The following PPFIBP1 variants were observed in gnomAD, a reference collection of about 807,000 sequenced individuals.
PPFIBP1 encodes liprin-beta-1.
In PPFIBP1, 112 loss-of-function variants were observed where a neutral mutation model predicts 137.8. The observed-to-expected ratio is 0.81, with a 90% CI of 0.70 to 0.95. The LOEUF (loss-of-function observed/expected upper bound fraction) is 0.95. Ranked by LOEUF, PPFIBP1 falls within the 40% of genes least tolerant of loss-of-function variation. The probability of loss-of-function intolerance (pLI) is 0.00; values close to 1 mark genes in which losing one functional copy is unlikely to be tolerated. For synonymous variants in PPFIBP1, 378 were observed against 417.3 expected (o/e 0.91, Z 1.15); for missense variants, 1,083 against 1,196.6 (o/e 0.91, Z 1.40).
chr12:27,592,644 C>T lies in PPFIBP1; in HGVS notation c.-36+14405C>T. On this transcript the variant is annotated intron_variant, in intron 2 of 29. Coordinates refer to ENST00000228425, the MANE Select transcript of PPFIBP1 (RefSeq NM_003622.4). ...AGGCCCACCCAAAGTTCAGGCAGCA[C>T]TGGGCCTGTGTGTGGGAAGGAGTGT... 1.9e-6 allele frequency: 3 copies of T among 1,594,978 alleles called. No homozygotes were observed. The South Asian group carries it at 3.3e-5, about 18-fold the overall frequency.
At chr12:27,661,485 C>A (rs983533383) in intron 11 of PPFIBP1, among the ~76,000 whole-genome samples, 1 of 152,178 alleles carries the variant, frequency 6.6e-6, no homozygotes, top group Non-Finnish European at 1.5e-5. Flanking sequence ...TCCTCCCCCC[C>A]CAGTTGGTTC....
chr12:27,659,950 A>G (rs2059440536), intron 10 of PPFIBP1, among the ~76,000 whole-genome samples: 2 of 152,322 alleles, frequency 1.3e-5, no homozygotes, highest in Admixed American at 6.5e-5. Context: ...CTCTAAAAAA[A>G]AGTATTATCT....
At chr12:27,541,071 T>C (rs982416817) in intron 1 of PPFIBP1, among the ~76,000 whole-genome samples, 3 of 152,202 alleles carry the variant, frequency 2.0e-5, no homozygotes, top group Non-Finnish European at 2.9e-5. Context: ...TCTCCAACTT[T>C]CCTCTGTCTA....
intron 1 of PPFIBP1, among the ~76,000 whole-genome samples, chr12:27,569,961 C>T (rs2050001383): frequency 6.6e-6 from 1 of 152,052 alleles, no homozygotes; most frequent in Non-Finnish European, 1.5e-5. Flanking sequence ...CTTTGACTTC[C>T]CCAAATTAAT....
chr12:27,525,018 A>G (rs1943567211), intron 1 of PPFIBP1, among the ~76,000 whole-genome samples: 1 of 151,794 alleles, frequency 6.6e-6, no homozygotes, highest in African/African-American at 2.4e-5. Flanking sequence ...TTATATCTGG[A>G]GAGGTTAGGA....
intron 2 of PPFIBP1, among the ~76,000 whole-genome samples, chr12:27,616,064 T>C (rs1484700364): frequency 6.6e-6 from 1 of 152,158 alleles, no homozygotes; most frequent in Non-Finnish European, 1.5e-5. Context: ...TTAATAAATA[T>C]TAGTTGTTAT....
chr12:27,577,108 G>T (rs1332844065), intron 1 of PPFIBP1, among the ~76,000 whole-genome samples: 1 of 152,112 alleles, frequency 6.6e-6, no homozygotes, highest in African/African-American at 2.4e-5. Flanking sequence ...ATTTGATGGG[G>T]TGTTGAGAAA....
intron 1 of PPFIBP1, among the ~76,000 whole-genome samples, chr12:27,527,390 G>A (rs1258137699): frequency 1.3e-5 from 2 of 151,832 alleles, no homozygotes; most frequent in Non-Finnish European, 2.9e-5. Flanking sequence ...CTACAGTCAT[G>A]CACCAACATG....
intron 27 of PPFIBP1, 52 bp from the exon 28 acceptor site, chr12:27,691,697 A>G: frequency 1.3e-6 from 2 of 1,488,052 alleles, no homozygotes; most frequent in Non-Finnish European, 1.8e-6. Flanking sequence ...GGCCTTGATT[A>G]TATGAATTTT....
Position 27,682,469 on chromosome 12 carries a change from A to G in PPFIBP1, c.2129A>G (p.His710Arg), listed in dbSNP as rs774612017. The G allele has an allele frequency of 9.3e-6, 15 of 1,614,016 alleles. No individual in the cohort carries two copies. The highest frequency in any genetic ancestry group is 1.3e-5 in the African/African-American group (1 of 75,066). Residue 710 changes from histidine to arginine, a missense_variant, in exon 23 of 30, where the codon CAT (histidine) becomes CGT (arginine). His to Arg is a conservative substitution (Grantham distance 29). Coordinates refer to ENST00000228425, the MANE Select transcript of PPFIBP1 (RefSeq NM_003622.4). ...QALGSEEETN[H>R]GKLDFNWVTR... ...CTGGGATCTGAAGAAGAAACCAATC[A>G]TGGGAAGCTGGATTTCAACTGGGTC...
rs2140291800 is a variant in PPFIBP1, at chr12:27,677,058, C to A, written c.1583-6C>A. On this transcript the variant is annotated splice_polypyrimidine_tract_variant and splice_region_variant and intron_variant, in intron 18 of 29. Transcript: ENST00000228425. ...GTGATTGTGTGCGTTGTTGGGATAT[C>A]TGAAGATCGTAAACGAAGTGCCAGT... is the stretch of plus-strand genomic sequence containing the variant. 3 of 1,614,196 alleles carry A rather than the reference C, an allele frequency of 1.9e-6. No homozygotes were observed. Among genetic ancestry groups the A allele is most frequent in the East Asian group, 2.2e-5 (1 of 44,882 alleles).
intron 1 of PPFIBP1, among the ~76,000 whole-genome samples, chr12:27,540,304 G>C (rs956386942): frequency 6.6e-6 from 1 of 150,984 alleles, no homozygotes; most frequent in Admixed American, 6.6e-5. Context: ...GGGTTGTAAA[G>C]ATGAAACAAG....
intron 2 of PPFIBP1, among the ~76,000 whole-genome samples, chr12:27,585,627 A>G (rs2051647372): frequency 6.6e-6 from 1 of 152,220 alleles, no homozygotes; most frequent in Admixed American, 6.5e-5. Context: ...GGAAAGACAT[A>G]AGTGCACATT....
chr12:27,576,069 T>C (rs550880455), intron 1 of PPFIBP1, among the ~76,000 whole-genome samples: 3 of 152,330 alleles, frequency 2.0e-5, no homozygotes, highest in African/African-American at 7.2e-5. Flanking sequence ...ACTCAGTGCC[T>C]GTTAGTTAAT....
At chr12:27,569,439 A>G (rs2049957964) in intron 1 of PPFIBP1, among the ~76,000 whole-genome samples, 1 of 151,986 alleles carries the variant, frequency 6.6e-6, no homozygotes, top group Admixed American at 6.6e-5. Flanking sequence ...CTGCTGAGGC[A>G]CTCTTTAATT....
At chr12:27,536,807 G>A (rs1452586206) in intron 1 of PPFIBP1, among the ~76,000 whole-genome samples, 3 of 152,106 alleles carry the variant, frequency 2.0e-5, no homozygotes, top group Non-Finnish European at 4.4e-5. Context: ...ACCAACTGTG[G>A]GTCTTTTCTG....
Position 27,679,930 on chromosome 12 carries a change from T to C in PPFIBP1, c.1767-3T>C, listed in dbSNP as rs1415497551. The C allele has an allele frequency of 6.2e-7, 1 of 1,614,116 alleles. No homozygotes were observed. The highest frequency in any genetic ancestry group is 1.1e-5 in the South Asian group (1 of 91,080). On this transcript the variant is annotated splice_polypyrimidine_tract_variant and splice_region_variant and intron_variant, in intron 20 of 29. Transcript: ENST00000228425. ...TACTGGCCATGTGTGTTGTCTTCTT[T>C]AGACTTAGGAGAAGTCAATCAACTA...
At chr12:27,630,172 G>C (rs111366402) in intron 2 of PPFIBP1, among the ~76,000 whole-genome samples, 16 of 151,514 alleles carry the variant, frequency 1.1e-4, no homozygotes, top group Non-Finnish European at 1.6e-4. Flanking sequence ...AGAAATAGCA[G>C]GACAATAGAC....
chr12:27,582,814 T>G (rs1263261437), intron 2 of PPFIBP1, among the ~76,000 whole-genome samples: 1 of 152,222 alleles, frequency 6.6e-6, no homozygotes, highest in Non-Finnish European at 1.5e-5. Context: ...GAGTTTCTTG[T>G]GACTATTACC....
Sources: gnomAD v4.1 joint callset for allele counts (sites outside exome capture counted in the v4.1 genomes callset) on GRCh38, gnomAD v4.1.1 for gene constraint, MANE v1.5 for transcripts, NCBI Gene and HGNC (gene_info 2026-07-23, HGNC 2026-07-21) for gene names.